CNTNAP2: variants seen among roughly 807,000 people sequenced by gnomAD.
CNTNAP2 encodes the protein contactin-associated protein-like 2.
CNTNAP2 carries 98 observed loss-of-function variants against 155.2 expected under a neutral mutation model. The observed-to-expected ratio is 0.63, with a 90% confidence interval of 0.54 to 0.75. The LOEUF is 0.75. CNTNAP2 is among the 30% of genes least tolerant of loss of function. CNTNAP2 has a pLI of 0.00. For missense variants in CNTNAP2, 1,727 were observed against 1,688.1 expected (o/e 1.02, Z -0.40); for synonymous variants, 651 against 631.2 (o/e 1.03, Z -0.47).
chr7:147,502,044 A>G (rs1020041768), intron 11 of CNTNAP2, among the ~76,000 whole-genome samples: 1 of 152,180 alleles, frequency 6.6e-6, no homozygotes, highest in Admixed American at 6.5e-5. Context: ...CATTGATACC[A>G]TGAACATGGA....
chr7:147,201,011 A>G (rs999200298), intron 8 of CNTNAP2, among the ~76,000 whole-genome samples: 2 of 152,190 alleles, frequency 1.3e-5, no homozygotes, highest in African/African-American at 2.4e-5. Context: ...GATGGATTTA[A>G]AAGGTAGAGA....
At chr7:146,908,096 G>T (rs113184869) in intron 3 of CNTNAP2, among the ~76,000 whole-genome samples, 1 of 152,204 alleles carries the variant, frequency 6.6e-6, no homozygotes, top group East Asian at 1.9e-4. Flanking sequence ...AACAAGAAGA[G>T]CTAACTATCC....
intron 21 of CNTNAP2, among the ~76,000 whole-genome samples, chr7:148,293,421 G>T (rs1797228071): frequency 6.6e-6 from 1 of 152,164 alleles, no homozygotes; most frequent in Non-Finnish European, 1.5e-5. Flanking sequence ...TAAAGAATTG[G>T]GCACGGTAAG....
chr7:147,746,808 G>T (rs17508203), intron 13 of CNTNAP2, among the ~76,000 whole-genome samples: 1 of 151,972 alleles, frequency 6.6e-6, no homozygotes, highest in African/African-American at 2.4e-5. Flanking sequence ...CATGAAATGT[G>T]CACAGTTTTA....
At position 148,419,693 on chromosome 7, in the gene CNTNAP2, C is replaced by T. The variant is rs529058019; in HGVS notation, c.*4077C>T. The T allele has an allele frequency of 6.6e-6, 1 of 152,160 alleles. No individual in the cohort carries two copies. The highest frequency in any genetic ancestry group is 2.1e-4 in the South Asian group (1 of 4,796). 9.4% of individuals were successfully genotyped at this position (152,160 alleles called of 1,614,324 possible). A position where few individuals can be genotyped will look rare whatever the true frequency, so the allele number is the denominator to read the frequency against. On this transcript the variant is annotated 3_prime_UTR_variant, in exon 24 of 24. Coordinates refer to ENST00000361727, the MANE Select transcript of CNTNAP2 (RefSeq NM_014141.6). ...TCCTGACCTCAAGTGATCCGTCCAC[C>T]TCGGCCTTGCAAATTGCTGGGATTA...
chr7:148,101,350 AGTGTGTGTGT>A (rs4015917), intron 15 of CNTNAP2, among the ~76,000 whole-genome samples: 1,706 of 144,438 alleles, frequency 0.012, 32 homozygotes, highest in African/African-American at 0.036. Context: ...TAAAAAGTTC[AGTGTGTGTGT>A]GTGTGTGTGT....
At chr7:147,376,390 A>G (rs1200329442) in intron 9 of CNTNAP2, among the ~76,000 whole-genome samples, 1 of 151,994 alleles carries the variant, frequency 6.6e-6, no homozygotes, top group Non-Finnish European at 1.5e-5. Flanking sequence ...AGTAAGAAAC[A>G]GTCATCAGGG....
intron 1 of CNTNAP2, among the ~76,000 whole-genome samples, chr7:146,220,389 A>G (rs536260446): frequency 6.6e-6 from 1 of 152,242 alleles, no homozygotes; most frequent in African/African-American, 2.4e-5. Context: ...CACCTATATC[A>G]TCATTTACAG....
At chr7:147,474,059 A>T (rs1798272848) in intron 10 of CNTNAP2, among the ~76,000 whole-genome samples, 1 of 152,172 alleles carries the variant, frequency 6.6e-6, no homozygotes, top group African/African-American at 2.4e-5. Flanking sequence ...AGCCTGGGAG[A>T]CAAGTACGAA....
At chr7:147,499,697 A>C (rs924904616) in intron 11 of CNTNAP2, among the ~76,000 whole-genome samples, 1 of 152,158 alleles carries the variant, frequency 6.6e-6, no homozygotes, top group African/African-American at 2.4e-5. Flanking sequence ...TTAACCAAAG[A>C]AGGAAGGCTT....
At chr7:148,413,990 A>G (rs1799916010) in intron 23 of CNTNAP2, among the ~76,000 whole-genome samples, 1 of 151,472 alleles carries the variant, frequency 6.6e-6, no homozygotes, top group Non-Finnish European at 1.5e-5. Context: ...CACTGTCTCT[A>G]CTTTTTAATT....
intron 1 of CNTNAP2, among the ~76,000 whole-genome samples, chr7:146,288,338 A>T (rs979419526): frequency 6.6e-6 from 1 of 151,056 alleles, no homozygotes; most frequent in African/African-American, 2.4e-5. Context: ...TCTTGGTTTG[A>T]CCTTTGGAGT....
In CNTNAP2 at chr7:147,744,076, G is replaced by A. The variant is rs964237188; in HGVS notation, c.2098+104770G>A. Among the ~76,000 whole-genome samples the A allele has an allele frequency of 3.3e-5, 5 of 152,312 alleles. No individual in the cohort carries two copies. In the East Asian group the frequency reaches 5.8e-4, roughly 18 times the overall value. On this transcript the variant is annotated intron_variant, in intron 13 of 23. Transcript: ENST00000361727. ...TGAGATAATGCCCATAAAGAGTTTA[G>A]CACAGGGCGTGTTATACAGTGAAGT...
intron 3 of CNTNAP2, among the ~76,000 whole-genome samples, chr7:146,970,414 A>T (rs1797761545): frequency 6.6e-6 from 1 of 152,204 alleles, no homozygotes; most frequent in Middle Eastern, 3.2e-3. Flanking sequence ...ATGAACAGAC[A>T]CTTCTCAAAA....
chr7:147,093,633 A>C (rs11981094), intron 4 of CNTNAP2, among the ~76,000 whole-genome samples: 12,677 of 152,140 alleles, frequency 0.083, 839 homozygotes, highest in Admixed American at 0.16. Flanking sequence ...CCAAAACCCC[A>C]AAATTCACAC....
rs570525172 is a variant in CNTNAP2, at chr7:146,544,454, T to C, written c.98-229817T>C. Among the ~76,000 whole-genome samples, 46 of 152,142 alleles carry C rather than the reference T, an allele frequency of 3.0e-4. 1 individual carries two copies. Among genetic ancestry groups the C allele is most frequent in the Non-Finnish European group, 5.9e-4 (40 of 67,960 alleles). On this transcript the variant is annotated intron_variant, in intron 1 of 23. Coordinates refer to ENST00000361727, the MANE Select transcript of CNTNAP2 (RefSeq NM_014141.6). ...AATTATATCCAGCCTAAAACAGTTGTTCTTCCCTGAGTAACAAAATATGAA... is the reference window on the plus strand; with the variant it reads ...AATTATATCCAGCCTAAAACAGTTGCTCTTCCCTGAGTAACAAAATATGAA...
intron 1 of CNTNAP2, among the ~76,000 whole-genome samples, chr7:146,403,935 C>T (rs1455022497): frequency 6.6e-6 from 1 of 151,428 alleles, no homozygotes; most frequent in African/African-American, 2.4e-5. Flanking sequence ...ACCATCCCGG[C>T]TAAAACGGCG....
At chr7:147,620,263 G>A (rs1801368427) in intron 12 of CNTNAP2, among the ~76,000 whole-genome samples, 1 of 152,086 alleles carries the variant, frequency 6.6e-6, no homozygotes, top group African/African-American at 2.4e-5. Flanking sequence ...GCTTTTTAAT[G>A]CCCAGACATC....
At chr7:148,201,588 A>G (rs1361990600) in intron 18 of CNTNAP2, among the ~76,000 whole-genome samples, 1 of 152,164 alleles carries the variant, frequency 6.6e-6, no homozygotes, top group Non-Finnish European at 1.5e-5. Flanking sequence ...GAAGACTCAA[A>G]TAGTTGGTTT....
Sources: gnomAD v4.1 joint callset for allele counts (sites outside exome capture counted in the v4.1 genomes callset) on GRCh38, gnomAD v4.1.1 for gene constraint, MANE v1.5 for transcripts, NCBI Gene and HGNC (gene_info 2026-07-23, HGNC 2026-07-21) for gene names.